Variants in TSPAN33 observed in about 807,000 individuals in gnomAD.
TSPAN33 encodes tetraspanin 33.
Under a neutral mutation model 34.8 loss-of-function variants are expected in TSPAN33, and 27 were observed. That is an observed-to-expected ratio of 0.78 (90% CI 0.57 to 1.07). The LOEUF (loss-of-function observed/expected upper bound fraction) is 1.07. TSPAN33 is among the 50% of genes least tolerant of loss of function. The pLI is 0.00. For missense variants in TSPAN33, 272 were observed against 324.9 expected (o/e 0.84, Z 1.25); for synonymous variants, 119 against 124.2 (o/e 0.96, Z 0.28).
At chr7:129,145,893 C>T (rs1425758041) in intron 1 of TSPAN33, among the ~76,000 whole-genome samples, 1 of 152,088 alleles carries the variant, frequency 6.6e-6, no homozygotes, top group African/African-American at 2.4e-5. Flanking sequence ...CCCACAAATC[C>T]AACCCAGTGT....
chr7:129,144,888 G>GCGGCT lies in TSPAN33; in HGVS notation c.-86_-82dup. On this transcript the variant is annotated 5_prime_UTR_variant, in exon 1 of 8. Transcript: ENST00000486685. The stretch of plus-strand genomic sequence containing the variant: ...CCCGCCGGCCGGGCTCCTGCGCGGC[G>GCGGCT]CGGCTCGGCTCATGCCCCCGGGCGC... The GCGGCT allele has an allele frequency of 5.3e-6, 1 of 189,550 alleles. No individual in the cohort carries two copies. Among genetic ancestry groups the GCGGCT allele is most frequent in the Non-Finnish European group, 1.1e-5 (1 of 94,368 alleles). 11.7% of individuals were successfully genotyped at this position (189,550 alleles called of 1,614,324 possible). A position where few individuals can be genotyped will look rare whatever the true frequency, so the allele number is the denominator to read the frequency against.
Position 129,168,427 on chromosome 7 carries a change from T to TA in TSPAN33, c.*554dup, listed in dbSNP as rs1319730154. Reference sequence around the variant, plus strand: ...TGTGCTAGGTAGGAGTGGAGGGAGATATGTTTACCAAATGCCTGTCCTGCC... The same window carrying TA: ...TGTGCTAGGTAGGAGTGGAGGGAGATAATGTTTACCAAATGCCTGTCCTGCC... On this transcript the variant is annotated 3_prime_UTR_variant, in exon 8 of 8. Coordinates refer to ENST00000486685, the MANE Select transcript of TSPAN33 (RefSeq NM_178562.5). The TA allele has an allele frequency of 1.3e-5, 2 of 153,242 alleles. No homozygotes were observed. The highest frequency in any genetic ancestry group is 2.9e-5 in the Non-Finnish European group (2 of 68,606). 9.5% of individuals were successfully genotyped at this position (153,242 alleles called of 1,614,324 possible).
chr7:129,145,848 A>T (rs1810513451), intron 1 of TSPAN33, among the ~76,000 whole-genome samples: 1 of 151,770 alleles, frequency 6.6e-6, no homozygotes, highest in African/African-American at 2.4e-5. Flanking sequence ...CGACCTAAGC[A>T]TGTATGTTCA....
At chr7:129,158,145 C>T (rs1173402575) in intron 1 of TSPAN33, among the ~76,000 whole-genome samples, 2 of 152,214 alleles carry the variant, frequency 1.3e-5, no homozygotes, top group Non-Finnish European at 2.9e-5. Context: ...GACTCTGGCC[C>T]TCTTGCCTCC....
At chr7:129,161,559 G>A (rs1455533080) in intron 1 of TSPAN33, 120 bp from the exon 2 acceptor site, 1 of 882,024 alleles carries the variant, frequency 1.1e-6, no homozygotes, top group Non-Finnish European at 1.9e-6. Context: ...GGAGGTGAAA[G>A]ATGCTCACCT....
Position 129,168,627 on chromosome 7 carries a change from A to G in TSPAN33, c.*753A>G, listed in dbSNP as rs922152487. On this transcript the variant is annotated 3_prime_UTR_variant, in exon 8 of 8. Coordinates refer to ENST00000486685, the MANE Select transcript of TSPAN33 (RefSeq NM_178562.5). ...CTGCAGTCAGAAGTGGGACTGAGCC[A>G]TACATGCCCTTGAATTCCTCCCTGT... is the stretch of plus-strand genomic sequence containing the variant. 2 of 152,820 alleles carry G rather than the reference A, an allele frequency of 1.3e-5. No individual in the cohort carries two copies. The highest frequency in any genetic ancestry group is 4.8e-5 in the African/African-American group (2 of 41,460). 9.5% of individuals were successfully genotyped at this position (152,820 alleles called of 1,614,324 possible). A position where few individuals can be genotyped will look rare whatever the true frequency, so the allele number is the denominator to read the frequency against.
intron 4 of TSPAN33, among the ~76,000 whole-genome samples, chr7:129,163,692 G>A (rs184212390): frequency 1.4e-4 from 21 of 152,218 alleles, no homozygotes; most frequent in African/African-American, 4.6e-4. Flanking sequence ...TGGGCCAGGC[G>A]CGGTAGCTCA....
At chr7:129,158,926 T>G (rs1793004146) in intron 1 of TSPAN33, among the ~76,000 whole-genome samples, 1 of 151,442 alleles carries the variant, frequency 6.6e-6, no homozygotes, top group Non-Finnish European at 1.5e-5. Flanking sequence ...AATTTTTGTA[T>G]TTTTAGTAGA....
chr7:129,166,738 GGGGT>G, intron 5 of TSPAN33, 36 bp from the exon 6 acceptor site: 3 of 1,610,278 alleles, frequency 1.9e-6, no homozygotes, highest in Non-Finnish European at 2.5e-6. Flanking sequence ...CTCAGTGTGA[GGGGT>G]GGGTGATTCT....
chr7:129,160,821 C>T (rs928344735), intron 1 of TSPAN33, among the ~76,000 whole-genome samples: 3 of 152,186 alleles, frequency 2.0e-5, no homozygotes, highest in Non-Finnish European at 4.4e-5. Context: ...TCCTTTGATG[C>T]AGATAGATTC....
intron 5 of TSPAN33, among the ~76,000 whole-genome samples, chr7:129,166,151 G>A (rs1439931836): frequency 6.6e-6 from 1 of 152,052 alleles, no homozygotes; most frequent in Non-Finnish European, 1.5e-5. Flanking sequence ...TATTGGCCAG[G>A]CTGGTCTTGA....
At position 129,150,121 on chromosome 7, in the gene TSPAN33, G is replaced by A. The variant is rs185617005; in HGVS notation, c.102+5039G>A. 3.1e-3 allele frequency among the ~76,000 whole-genome samples: 474 copies of A among 152,324 alleles called. 2 individuals are homozygous for A. The highest frequency in any genetic ancestry group is 4.7e-3 in the Non-Finnish European group (318 of 68,024). ...CTCCACCATCACCTTCAAAACAGGAGGGAAAGAGATTCTAAGGAGGGGGTG... is the reference window on the plus strand; with the variant it reads ...CTCCACCATCACCTTCAAAACAGGAAGGAAAGAGATTCTAAGGAGGGGGTG... On this transcript the variant is annotated intron_variant, in intron 1 of 7. Transcript: ENST00000486685.
chr7:129,164,797 G>A (rs1182155700), intron 5 of TSPAN33: 2 of 455,856 alleles, frequency 4.4e-6, no homozygotes, highest in Non-Finnish European at 8.1e-6. Flanking sequence ...CCTACAGGGG[G>A]TGAGGAACTG....
chr7:129,162,921 C>T lies in TSPAN33; in HGVS notation c.363+14C>T. The T allele has an allele frequency of 6.2e-7, 1 of 1,612,800 alleles. No homozygotes were observed. Among genetic ancestry groups the T allele is most frequent in the Non-Finnish European group, 8.5e-7 (1 of 1,179,310 alleles). ...TTCTCAGACAAGGTAACACTGGGAG[C>T]CAGGAGGCCTCCTCAGGTGTGACCC... On this transcript the variant is annotated intron_variant, in intron 4 of 7. Coordinates refer to ENST00000486685, the MANE Select transcript of TSPAN33 (RefSeq NM_178562.5).
intron 4 of TSPAN33, among the ~76,000 whole-genome samples, chr7:129,163,583 G>A (rs1002884846): frequency 6.6e-6 from 1 of 152,156 alleles, no homozygotes; most frequent in African/African-American, 2.4e-5. Flanking sequence ...TTCCCAAAAG[G>A]CAAATGATTG....
chr7:129,153,541 T>C (rs1018242505), intron 1 of TSPAN33, among the ~76,000 whole-genome samples: 1 of 152,156 alleles, frequency 6.6e-6, no homozygotes, highest in South Asian at 2.1e-4. Context: ...TGATCCTTGA[T>C]TGGATCCTGG....
Position 129,165,317 on chromosome 7 carries a change from C to T in TSPAN33, c.459+748C>T, listed in dbSNP as rs1168124358. ...TTCTGTATCCATTGAACACTAAAGC[C>T]CCATTTTCCTCTCCTCCAGCAACCA... On this transcript the variant is annotated intron_variant, in intron 5 of 7. Transcript: ENST00000486685. This position sits in a 1 kb window ranked among gnomAD's most constrained non-coding sequence, Gnocchi z 4.5. 6.6e-6 allele frequency among the ~76,000 whole-genome samples: 1 copy of T among 152,176 alleles called. No individual in the cohort carries two copies. Among genetic ancestry groups the T allele is most frequent in the Non-Finnish European group, 1.5e-5 (1 of 68,036 alleles).
rs112888544 is a variant in TSPAN33, at chr7:129,162,271, C to T, written c.161-123C>T. 4,517 of 1,462,916 alleles carry T rather than the reference C, an allele frequency of 3.1e-3. 132 individuals are homozygous for T. In the African/African-American group the frequency reaches 0.056, roughly 18 times the overall value. 90.6% of individuals were successfully genotyped at this position (1,462,916 alleles called of 1,614,324 possible). Reference sequence around the variant, plus strand: ...AGGGGTACTGCCTCCCCTTAACCTTCATCCAACCATAATGGAGATTCCCCC... The same window carrying T: ...AGGGGTACTGCCTCCCCTTAACCTTTATCCAACCATAATGGAGATTCCCCC... On this transcript the variant is annotated intron_variant, in intron 2 of 7. Transcript: ENST00000486685.
In TSPAN33 at chr7:129,162,527, T is replaced by A; in HGVS notation, c.288+6T>A. The stretch of plus-strand genomic sequence containing the variant: ...ACATCTGCCTCCTGCAGACGGTGAG[T>A]GGTCAAGGCCCCACTGGAAAGACCC... On this transcript the variant is annotated splice_donor_region_variant and intron_variant, in intron 3 of 7. Coordinates refer to ENST00000486685, the MANE Select transcript of TSPAN33 (RefSeq NM_178562.5). The A allele has an allele frequency of 6.2e-7, 1 of 1,611,746 alleles. No homozygotes were observed. Among genetic ancestry groups the A allele is most frequent in the Non-Finnish European group, 8.5e-7 (1 of 1,179,990 alleles).
Sources: gnomAD v4.1 joint callset for allele counts (sites outside exome capture counted in the v4.1 genomes callset) on GRCh38, gnomAD v4.1.1 for gene constraint, Gnocchi (gnomAD v3.1) non-coding constraint, MANE v1.5 for transcripts, NCBI Gene and HGNC (gene_info 2026-07-23, HGNC 2026-07-21) for gene names.